GLMN: variants seen among roughly 807,000 people sequenced by gnomAD.
GLMN encodes glomulin.
In GLMN, 75 loss-of-function variants were observed where a neutral mutation model predicts 87.8. The ratio of observed to expected loss-of-function variants is 0.85; its 90% CI spans 0.71 to 1.04. The LOEUF (loss-of-function observed/expected upper bound fraction) is 1.04, where lower values mean the gene tolerates loss of function less well. Among genes scored for constraint, GLMN ranks in the 50% least tolerant of loss-of-function variants. The probability of loss-of-function intolerance (pLI) is 0.00; values close to 1 mark genes in which losing one functional copy is unlikely to be tolerated. For missense variants in GLMN, 588 were observed against 658.8 expected (o/e 0.89, Z 1.18); for synonymous variants, 206 against 221.6 (o/e 0.93, Z 0.63).
At chr1:92,354,838 G>A in the GLMN span, among the ~76,000 whole-genome samples, 83 of 150,800 alleles carry the variant, frequency 5.5e-4, 3 homozygotes, top group East Asian at 0.013. Flanking sequence ...TTCAAATTTG[G>A]GGACATTAGC....
intron 7 of GLMN, among the ~76,000 whole-genome samples, chr1:92,273,101 T>A (rs1391197907): frequency 2.6e-5 from 4 of 152,164 alleles, no homozygotes; most frequent in African/African-American, 9.7e-5. Flanking sequence ...AACACTTAAG[T>A]GCAAGGTGCT....
At chr1:92,288,051 AT>A (rs1195572777) in intron 6 of GLMN, among the ~76,000 whole-genome samples, 1 of 151,240 alleles carries the variant, frequency 6.6e-6, no homozygotes, top group Admixed American at 6.6e-5. Flanking sequence ...TTTTTTTTAA[AT>A]AACAAGTCTT....
intron 7 of GLMN, among the ~76,000 whole-genome samples, chr1:92,273,277 T>C (rs1656439548): frequency 6.6e-6 from 1 of 152,192 alleles, no homozygotes; most frequent in South Asian, 2.1e-4. Flanking sequence ...AGCGACCAGA[T>C]GCTAAATATA....
chr1:92,247,818 C>T lies in GLMN; in HGVS notation c.1585+60G>A, dbSNP rs571387093. The T allele has an allele frequency of 1.4e-5, 11 of 769,994 alleles. No individual in the cohort carries two copies. The Admixed American group carries it at 1.9e-4, about 13-fold the overall frequency. 47.7% of individuals were successfully genotyped at this position (769,994 alleles called of 1,614,324 possible). ...AAAAAGTTCTTAAATTTGAATATGACAGTTCCAAAATTAGACTACTTTTTA... is the reference window on the plus strand; with the variant it reads ...AAAAAGTTCTTAAATTTGAATATGATAGTTCCAAAATTAGACTACTTTTTA... On this transcript the variant is annotated intron_variant, in intron 17 of 18. Transcript: ENST00000370360.
At chr1:92,250,228 A>C (rs1198912405) in intron 16 of GLMN, among the ~76,000 whole-genome samples, 1 of 152,132 alleles carries the variant, frequency 6.6e-6, no homozygotes, top group Non-Finnish European at 1.5e-5. Flanking sequence ...ATATGGCTGA[A>C]ATCCCCTTTA....
At chr1:92,304,414 G>T in the GLMN span, 1 of 816,172 alleles carries the variant, frequency 1.2e-6, no homozygotes, top group South Asian at 1.9e-5. Context: ...ATCCTAACAA[G>T]GCATGGCAAT....
At chr1:92,293,229 A>G (rs1467656699) in intron 3 of GLMN, among the ~76,000 whole-genome samples, 2 of 152,184 alleles carry the variant, frequency 1.3e-5, no homozygotes, top group Non-Finnish European at 2.9e-5. Context: ...ATCATCAGAG[A>G]AATGCAAATC....
chr1:92,247,735 A>C (rs1247002680), intron 17 of GLMN, 143 bp downstream of exon 17: 1 of 608,168 alleles, frequency 1.6e-6, no homozygotes, highest in African/African-American at 1.9e-5. Context: ...ATCTGCTAAG[A>C]ATTTTAACTA....
chr1:92,335,996 ACC>A, the GLMN span, among the ~76,000 whole-genome samples: 2 of 152,202 alleles, frequency 1.3e-5, no homozygotes, highest in African/African-American at 4.8e-5. Context: ...GGAAGAATAT[ACC>A]ACACTCTCAG....
chr1:92,343,402 A>C, the GLMN span, among the ~76,000 whole-genome samples: 1 of 152,174 alleles, frequency 6.6e-6, no homozygotes, highest in Admixed American at 6.5e-5. Context: ...CCAAAATAAA[A>C]CACTACTGAG....
chr1:92,324,453 G>C, the GLMN span: 1 of 1,075,100 alleles, frequency 9.3e-7, no homozygotes, highest in Non-Finnish European at 1.4e-6. Flanking sequence ...GGAGCAGGAA[G>C]GATATTGAAG....
chr1:92,368,411 C>A, the GLMN span, among the ~76,000 whole-genome samples: 2 of 152,120 alleles, frequency 1.3e-5, no homozygotes, highest in South Asian at 4.1e-4. Context: ...TCGTTACTGA[C>A]TTTTATTGTA....
chr1:92,361,713 CAA>C, the GLMN span, among the ~76,000 whole-genome samples: 1 of 152,026 alleles, frequency 6.6e-6, no homozygotes, highest in African/African-American at 2.4e-5. Flanking sequence ...TAACAAAAAA[CAA>C]AGTTAGATGT....
At chr1:92,301,330 G>T, upstream of GLMN, 2 of 334,906 alleles carry the variant, frequency 6.0e-6, no homozygotes, top group South Asian at 7.1e-5. Flanking sequence ...CAATTAAAAA[G>T]AAATAAATAT....
chr1:92,288,304 T>C (rs1649009958), intron 6 of GLMN, among the ~76,000 whole-genome samples: 1 of 152,190 alleles, frequency 6.6e-6, no homozygotes, highest in Non-Finnish European at 1.5e-5. Flanking sequence ...TATATCTATT[T>C]CCCACACTCA....
At chr1:92,356,573 C>T in the GLMN span, among the ~76,000 whole-genome samples, 1 of 145,426 alleles carries the variant, frequency 6.9e-6, no homozygotes, top group Admixed American at 7.1e-5. Flanking sequence ...TGTGTGTCAC[C>T]ACTCCTGGCT....
chr1:92,311,903 T>A, the GLMN span, among the ~76,000 whole-genome samples: 1 of 152,204 alleles, frequency 6.6e-6, no homozygotes, highest in Non-Finnish European at 1.5e-5. Context: ...CTTCAGCAAG[T>A]ATTAATCTTT....
the GLMN span, among the ~76,000 whole-genome samples, chr1:92,319,825 C>T: frequency 6.6e-6 from 1 of 151,942 alleles, no homozygotes; most frequent in Non-Finnish European, 1.5e-5. Flanking sequence ...ATGGAGAAAC[C>T]CCATCTCTAC....
the GLMN span, chr1:92,304,103 AG>A: frequency 6.7e-7 from 1 of 1,485,746 alleles, no homozygotes; most frequent in Non-Finnish European, 9.3e-7. Context: ...TTTAAAATAT[AG>A]GCTTTTATTA....
Sources: gnomAD v4.1 joint callset for allele counts (sites outside exome capture counted in the v4.1 genomes callset) on GRCh38, gnomAD v4.1.1 for gene constraint, MANE v1.5 for transcripts, NCBI Gene and HGNC (gene_info 2026-07-23, HGNC 2026-07-21) for gene names.